AGBL1: variants seen among roughly 807,000 people sequenced by gnomAD.
AGBL1 encodes the protein cytosolic carboxypeptidase 4.
AGBL1 carries 130 observed loss-of-function variants against 118.9 expected under a neutral mutation model. The observed-to-expected ratio is 1.09, with a 90% CI of 0.95 to 1.26. The LOEUF is 1.26. AGBL1 is among the 50% of genes most tolerant of loss of function. The probability of loss-of-function intolerance (pLI) is 0.00; values close to 1 mark genes in which losing one functional copy is unlikely to be tolerated. For synonymous variants in AGBL1, 555 were observed against 478.9 expected (o/e 1.16, Z -2.08); for missense variants, 1,584 against 1,298.1 (o/e 1.22, Z -3.38).
chr15:86,595,051 C>G (rs949823152), intron 21 of AGBL1, among the ~76,000 whole-genome samples: 7 of 152,150 alleles, frequency 4.6e-5, no homozygotes, highest in African/African-American at 1.7e-4. Flanking sequence ...TCTTGAGTTT[C>G]CCTGACCTCT....
At chr15:86,695,613 G>T (rs2086242746) in intron 22 of AGBL1, among the ~76,000 whole-genome samples, 1 of 151,736 alleles carries the variant, frequency 6.6e-6, no homozygotes, top group South Asian at 2.1e-4. Flanking sequence ...TCTGGTCTTG[G>T]TTATTTCTTT....
At chr15:86,457,996 A>G (rs1013218560) in intron 18 of AGBL1, among the ~76,000 whole-genome samples, 4 of 152,174 alleles carry the variant, frequency 2.6e-5, no homozygotes, top group Non-Finnish European at 4.4e-5. Flanking sequence ...ATAAAAGTGA[A>G]GACAATGCAG....
chr15:86,348,872 A>G (rs943866174), intron 17 of AGBL1, among the ~76,000 whole-genome samples: 1 of 151,966 alleles, frequency 6.6e-6, no homozygotes, highest in Non-Finnish European at 1.5e-5. Context: ...ACCCAAATTC[A>G]TGTCCATTCA....
At chr15:86,239,818 T>C (rs1007591518) in intron 6 of AGBL1, among the ~76,000 whole-genome samples, 1 of 152,184 alleles carries the variant, frequency 6.6e-6, no homozygotes, top group African/African-American at 2.4e-5. Context: ...GCTGGATTAG[T>C]GGTAAGAACT....
At chr15:86,682,734 T>A (rs778517439) in intron 22 of AGBL1, among the ~76,000 whole-genome samples, 1 of 152,134 alleles carries the variant, frequency 6.6e-6, no homozygotes, top group Non-Finnish European at 1.5e-5. Context: ...TTTTCTGAAT[T>A]ACTATACTAC....
At chr15:86,257,859 A>G (rs2078921430) in intron 8 of AGBL1, 105 bp from the exon 9 acceptor site, 1 of 1,088,322 alleles carries the variant, frequency 9.2e-7, no homozygotes, top group South Asian at 1.5e-5. Flanking sequence ...TGGGCCCCTT[A>G]TTTGAGAGAG....
chr15:86,782,786 C>T (rs1037846772), intron 22 of AGBL1, among the ~76,000 whole-genome samples: 2 of 152,190 alleles, frequency 1.3e-5, no homozygotes, highest in African/African-American at 4.8e-5. Context: ...TGAAACTTTG[C>T]CTTGCAATGG....
At chr15:87,025,268 A>G (rs2081714296) in intron 24 of AGBL1, among the ~76,000 whole-genome samples, 1 of 152,034 alleles carries the variant, frequency 6.6e-6, no homozygotes. Context: ...AACTGATAAA[A>G]GAATTCAGCA....
intron 22 of AGBL1, among the ~76,000 whole-genome samples, chr15:86,724,627 A>G (rs762842201): frequency 4.6e-5 from 7 of 152,194 alleles, no homozygotes; most frequent in Non-Finnish European, 8.8e-5. Context: ...AAATGTTGCT[A>G]TAATTTGAAT....
At chr15:86,188,343 A>G (rs2077665402) in intron 5 of AGBL1, among the ~76,000 whole-genome samples, 1 of 152,164 alleles carries the variant, frequency 6.6e-6, no homozygotes. Flanking sequence ...TTAGATGTGA[A>G]AAAATGAGTT....
At chr15:86,476,596 C>G (rs1025766245) in intron 18 of AGBL1, among the ~76,000 whole-genome samples, 1 of 152,084 alleles carries the variant, frequency 6.6e-6, no homozygotes, top group Non-Finnish European at 1.5e-5. Flanking sequence ...CCTTAGAGAC[C>G]TACAAAGAGA....
intron 7 of AGBL1, among the ~76,000 whole-genome samples, chr15:86,251,426 T>C (rs547102124): frequency 6.6e-6 from 1 of 152,260 alleles, no homozygotes; most frequent in East Asian, 1.9e-4. Flanking sequence ...CCTGACAACT[T>C]CCTAAATGAC....
At chr15:86,832,540 T>C (rs2123263) in intron 22 of AGBL1, among the ~76,000 whole-genome samples, 126,791 of 152,144 alleles carry the variant, frequency 0.83, 53,974 homozygotes, top group East Asian at 1. Context: ...TTTGACAGAT[T>C]TCTAGGACAG....
intron 22 of AGBL1, among the ~76,000 whole-genome samples, chr15:86,833,519 C>G (rs1440147033): frequency 6.6e-6 from 1 of 152,034 alleles, no homozygotes; most frequent in Non-Finnish European, 1.5e-5. Flanking sequence ...TGCCTTTTGC[C>G]TCCAGTCATG....
intron 22 of AGBL1, among the ~76,000 whole-genome samples, chr15:86,878,299 A>G (rs565925515): frequency 6.6e-6 from 1 of 152,140 alleles, no homozygotes; most frequent in Non-Finnish European, 1.5e-5. Context: ...CTATCATTCA[A>G]CTCTGCCCTT....
At chr15:86,129,069 T>C (rs529763144) in intron 1 of AGBL1, among the ~76,000 whole-genome samples, 1 of 152,178 alleles carries the variant, frequency 6.6e-6, no homozygotes, top group Non-Finnish European at 1.5e-5. Flanking sequence ...GTGGATGCTT[T>C]CTTTCAATAT....
chr15:86,465,654 G>T (rs1044329962), intron 18 of AGBL1, among the ~76,000 whole-genome samples: 1 of 152,174 alleles, frequency 6.6e-6, no homozygotes, highest in Admixed American at 6.5e-5. Context: ...GTAGATAAGG[G>T]ATGAAATATG....
intron 22 of AGBL1, among the ~76,000 whole-genome samples, chr15:86,752,291 C>A (rs996508173): frequency 2.0e-5 from 3 of 152,076 alleles, no homozygotes; most frequent in Non-Finnish European, 4.4e-5. Context: ...TTCTGTGTAT[C>A]CATCTTTTCA....
chr15:86,623,678 G>T (rs2084844879), intron 21 of AGBL1, among the ~76,000 whole-genome samples: 1 of 152,164 alleles, frequency 6.6e-6, no homozygotes, highest in Admixed American at 6.5e-5. Flanking sequence ...ATTTCACCCT[G>T]TCAGTTCCTC....
Sources: allele counts gnomAD v4.1 joint callset (sites outside exome capture counted in the v4.1 genomes callset), GRCh38; gene constraint gnomAD v4.1.1; transcripts MANE v1.5; gene names NCBI Gene and HGNC (gene_info 2026-07-23, HGNC 2026-07-21).